Variants in MNAT1 observed in about 807,000 individuals in gnomAD.
MNAT1 encodes the protein CDK-activating kinase assembly factor MAT1.
MNAT1 carries 43 observed loss-of-function variants against 42.0 expected under a neutral mutation model. The ratio of observed to expected loss-of-function variants is 1.02; its 90% confidence interval spans 0.80 to 1.32. The LOEUF is 1.32. Among genes scored for constraint, MNAT1 ranks in the 40% most tolerant of loss-of-function variants. MNAT1 has a pLI of 0.00. For synonymous variants in MNAT1, 118 were observed against 120.0 expected (o/e 0.98, Z 0.11); for missense variants, 306 against 350.4 (o/e 0.87, Z 1.01).
At chr14:60,760,997 G>A (rs576956076) in intron 1 of MNAT1, among the ~76,000 whole-genome samples, 1 of 152,286 alleles carries the variant, frequency 6.6e-6, no homozygotes. Context: ...GCAAGAAAAT[G>A]AATTTTTCTC....
intron 1 of MNAT1, among the ~76,000 whole-genome samples, chr14:60,736,315 A>G (rs1896308895): frequency 6.6e-6 from 1 of 151,774 alleles, no homozygotes; most frequent in Non-Finnish European, 1.5e-5. Context: ...TGGGAAGGAT[A>G]CTAACTAAAT....
At position 60,927,989 on chromosome 14, in the gene MNAT1, C is replaced by T. The variant is rs575025355; in HGVS notation, c.810-40240C>T. 7.2e-5 allele frequency among the ~76,000 whole-genome samples: 11 copies of T among 152,302 alleles called. No individual in the cohort carries two copies. In the South Asian group the frequency reaches 2.1e-3, roughly 29 times the overall value. On this transcript the variant is annotated intron_variant, in intron 7 of 7. Transcript: ENST00000261245. ...GACTACAGTCCAGTTTTAGAACCTT[C>T]GACAACCCCAAAAGATCCATCATGT...
intron 7 of MNAT1, among the ~76,000 whole-genome samples, chr14:60,913,720 G>T (rs1195760245): frequency 2.6e-5 from 4 of 152,140 alleles, no homozygotes; most frequent in Non-Finnish European, 4.4e-5. Context: ...AGCCGTGTGA[G>T]GTGTCAGTCT....
At chr14:60,911,769 G>C (rs1049868203) in intron 7 of MNAT1, among the ~76,000 whole-genome samples, 2 of 152,134 alleles carry the variant, frequency 1.3e-5, no homozygotes, top group Admixed American at 6.6e-5. Context: ...AATAGGTGTG[G>C]TGTGGTGCTG....
At chr14:60,885,143 A>G (rs1373485400) in intron 7 of MNAT1, among the ~76,000 whole-genome samples, 1 of 151,614 alleles carries the variant, frequency 6.6e-6, no homozygotes, top group Admixed American at 6.6e-5. Context: ...TTGAGTGTTA[A>G]ATGCTTTGAG....
At chr14:60,957,588 A>G (rs973668662) in intron 7 of MNAT1, among the ~76,000 whole-genome samples, 2 of 152,150 alleles carry the variant, frequency 1.3e-5, no homozygotes, top group African/African-American at 4.8e-5. Flanking sequence ...ACAATTCAAG[A>G]TGAAAATTTG....
intron 1 of MNAT1, among the ~76,000 whole-genome samples, chr14:60,735,473 T>C (rs542999067): frequency 5.9e-5 from 9 of 152,308 alleles, no homozygotes; most frequent in Non-Finnish European, 1.0e-4. Flanking sequence ...ACCCGGACTG[T>C]AGGTAGTTAA....
chr14:60,796,130 C>A (rs903289890), intron 1 of MNAT1, 87 bp from the exon 2 acceptor site: 3 of 1,190,570 alleles, frequency 2.5e-6, no homozygotes, highest in Non-Finnish European at 3.4e-6. Flanking sequence ...AAGTCTCACT[C>A]TCCTTATCCC....
chr14:60,820,515 CTCATCTTAAG>C (rs1401141463), intron 6 of MNAT1, among the ~76,000 whole-genome samples: 1 of 150,614 alleles, frequency 6.6e-6, no homozygotes, highest in African/African-American at 2.4e-5. Flanking sequence ...GATACAAGAA[CTCATCTTAAG>C]TCTTTTGCAA....
intron 1 of MNAT1, among the ~76,000 whole-genome samples, chr14:60,762,732 G>A (rs1423610694): frequency 1.4e-5 from 2 of 138,856 alleles, no homozygotes; most frequent in Non-Finnish European, 3.1e-5. Context: ...AAAAGACATT[G>A]TGTGGTAAAA....
intron 3 of MNAT1, chr14:60,799,480 T>C (rs2032131554): frequency 2.4e-6 from 2 of 847,816 alleles, no homozygotes; most frequent in African/African-American, 1.8e-5. Context: ...ACATATATTC[T>C]AAAGGTAATG....
At chr14:60,882,385 A>G (rs2034571551) in intron 7 of MNAT1, among the ~76,000 whole-genome samples, 1 of 152,096 alleles carries the variant, frequency 6.6e-6, no homozygotes, top group Non-Finnish European at 1.5e-5. Context: ...CACCAGTTCC[A>G]TGTATGTTGT....
intron 7 of MNAT1, among the ~76,000 whole-genome samples, chr14:60,898,716 ACT>A (rs1456334392): frequency 6.6e-6 from 1 of 151,720 alleles, no homozygotes; most frequent in Non-Finnish European, 1.5e-5. Context: ...TTGTCTCCTC[ACT>A]CTGTTGATTG....
intron 7 of MNAT1, among the ~76,000 whole-genome samples, chr14:60,931,443 C>T (rs1480039263): frequency 6.6e-6 from 1 of 152,162 alleles, no homozygotes; most frequent in African/African-American, 2.4e-5. Flanking sequence ...ATTTATTCTG[C>T]TGCCAGAGAG....
At chr14:60,947,453 C>T (rs559015846) in intron 7 of MNAT1, among the ~76,000 whole-genome samples, 5 of 152,162 alleles carry the variant, frequency 3.3e-5, no homozygotes, top group Admixed American at 1.3e-4. Context: ...GAGGCCGAGG[C>T]GGGTGGATCT....
intron 7 of MNAT1, among the ~76,000 whole-genome samples, chr14:60,889,520 C>T (rs1204195368): frequency 6.6e-6 from 1 of 152,126 alleles, no homozygotes; most frequent in African/African-American, 2.4e-5. Flanking sequence ...CTAGGCAATA[C>T]CATTGAGGAC....
chr14:60,878,525 A>G (rs1175288261), intron 6 of MNAT1, among the ~76,000 whole-genome samples: 2 of 152,250 alleles, frequency 1.3e-5, no homozygotes, highest in East Asian at 3.9e-4. Flanking sequence ...TGGTGGGGAA[A>G]GGACTCTGGT....
In MNAT1 at chr14:60,933,464, G is replaced by T. The variant is rs546599001; in HGVS notation, c.810-34765G>T. 2.0e-5 allele frequency among the ~76,000 whole-genome samples: 3 copies of T among 152,120 alleles called. No individual in the cohort carries two copies. In the South Asian group the frequency reaches 6.2e-4, roughly 32 times the overall value. On this transcript the variant is annotated intron_variant, in intron 7 of 7. Transcript: ENST00000261245. Reference sequence around the variant, plus strand: ...AGCGGGTAAGATGTTTTGTCCCAGTGATTTTATTTGTGCTCTTAACACCAA... The same window carrying T: ...AGCGGGTAAGATGTTTTGTCCCAGTTATTTTATTTGTGCTCTTAACACCAA...
At chr14:60,855,891 A>G (rs2139425157) in intron 6 of MNAT1, among the ~76,000 whole-genome samples, 1 of 152,356 alleles carries the variant, frequency 6.6e-6, no homozygotes, top group East Asian at 1.9e-4. Flanking sequence ...AACTTAATCG[A>G]TAAATGTTGC....
Sources: gnomAD v4.1 joint callset for allele counts (sites outside exome capture counted in the v4.1 genomes callset) on GRCh38, gnomAD v4.1.1 for gene constraint, MANE v1.5 for transcripts, NCBI Gene and HGNC (gene_info 2026-07-23, HGNC 2026-07-21) for gene names.